Variants in ST3GAL5 observed in about 807,000 individuals in gnomAD.
ST3GAL5 encodes the protein lactosylceramide alpha-2,3-sialyltransferase.
Under a neutral mutation model 46.1 loss-of-function variants are expected in ST3GAL5, and 25 were observed. The observed-to-expected ratio is 0.54, with a 90% CI of 0.40 to 0.76. ST3GAL5 has a LOEUF of 0.76. Ranked by LOEUF, ST3GAL5 falls within the 30% of genes least tolerant of loss-of-function variation. The pLI, the probability that ST3GAL5 is intolerant of heterozygous loss-of-function variation, is 0.00. For missense variants in ST3GAL5, 431 were observed against 521.2 expected (o/e 0.83, Z 1.69); for synonymous variants, 182 against 192.7 (o/e 0.94, Z 0.46).
intron 1 of ST3GAL5, among the ~76,000 whole-genome samples, chr2:85,870,993 G>A (rs1685861170): frequency 6.6e-6 from 1 of 151,350 alleles, no homozygotes; most frequent in African/African-American, 2.4e-5. Flanking sequence ...AATTTACAAT[G>A]ATCAAATCAG....
intron 1 of ST3GAL5, among the ~76,000 whole-genome samples, chr2:85,880,008 T>C (rs899621547): frequency 4.6e-5 from 7 of 152,056 alleles, no homozygotes; most frequent in Non-Finnish European, 8.8e-5. Context: ...GCTGTCCAGG[T>C]GGATGGGAAG....
At chr2:85,870,470 C>A (rs1050928283) in intron 1 of ST3GAL5, among the ~76,000 whole-genome samples, 1 of 152,116 alleles carries the variant, frequency 6.6e-6, no homozygotes, top group African/African-American at 2.4e-5. Flanking sequence ...ATCCCCAGGG[C>A]TTAACAATTT....
chr2:85,878,468 C>T (rs1448037030), intron 1 of ST3GAL5, among the ~76,000 whole-genome samples: 1 of 152,174 alleles, frequency 6.6e-6, no homozygotes. Flanking sequence ...TTTCTCAATT[C>T]TCCCAGGAAT....
intron 1 of ST3GAL5, among the ~76,000 whole-genome samples, chr2:85,871,040 T>A (rs1487445852): frequency 4.8e-5 from 7 of 146,090 alleles, no homozygotes; most frequent in Admixed American, 1.4e-4. Context: ...CCATTTATCT[T>A]TTTTTTTTTT....
chr2:85,885,676 A>C (rs886686335), intron 1 of ST3GAL5, among the ~76,000 whole-genome samples: 2 of 152,092 alleles, frequency 1.3e-5, no homozygotes, highest in African/African-American at 4.8e-5. Flanking sequence ...AAAATACAAA[A>C]AATTAGCCGG....
intron 1 of ST3GAL5, among the ~76,000 whole-genome samples, chr2:85,871,054 T>C (rs568947328): frequency 6.6e-6 from 1 of 151,986 alleles, no homozygotes; most frequent in East Asian, 1.9e-4. Flanking sequence ...TTTTTTTTTT[T>C]TGAGACAAGG....
intron 5 of ST3GAL5, 103 bp downstream of exon 5, chr2:85,846,274 G>A: frequency 1.0e-6 from 1 of 1,004,142 alleles, no homozygotes; most frequent in Non-Finnish European, 1.5e-6. Flanking sequence ...ACATAAGTAT[G>A]CATTCCGCTC....
intron 3 of ST3GAL5, chr2:85,851,119 G>A (rs749073616): frequency 1.5e-5 from 5 of 342,208 alleles, no homozygotes; most frequent in Non-Finnish European, 2.1e-5. Context: ...GTTTCACCAT[G>A]TTGGTCAGGC....
intron 1 of ST3GAL5, chr2:85,867,833 G>T: frequency 3.2e-6 from 2 of 626,022 alleles, no homozygotes; most frequent in Non-Finnish European, 2.9e-6. Flanking sequence ...GTAAGTATAT[G>T]AAAGTAGAAA....
At chr2:85,845,137 T>C (rs1395912831) in intron 5 of ST3GAL5, 1 of 181,302 alleles carries the variant, frequency 5.5e-6, no homozygotes, top group South Asian at 1.2e-4. Context: ...TGTCTATACA[T>C]GTGCATACAC....
intron 3 of ST3GAL5, among the ~76,000 whole-genome samples, chr2:85,859,097 C>T (rs978067903): frequency 4.6e-5 from 7 of 152,150 alleles, no homozygotes; most frequent in African/African-American, 1.4e-4. Flanking sequence ...TTGATTTCCC[C>T]CAGGGTATTA....
intron 1 of ST3GAL5, among the ~76,000 whole-genome samples, chr2:85,864,954 C>T (rs1326746396): frequency 6.6e-6 from 1 of 152,212 alleles, no homozygotes; most frequent in Non-Finnish European, 1.5e-5. Context: ...TGTATCCCCT[C>T]TGCCTCCTGA....
At chr2:85,851,295 G>C (rs1187620304) in intron 3 of ST3GAL5, 1 of 1,141,074 alleles carries the variant, frequency 8.8e-7, no homozygotes, top group Non-Finnish European at 1.1e-6. Flanking sequence ...GCGCCTAAGT[G>C]ACAGTGGATG....
intron 4 of ST3GAL5, chr2:85,847,269 C>T (rs1158446094): frequency 1.1e-5 from 8 of 708,590 alleles, no homozygotes; most frequent in Non-Finnish European, 1.4e-5. Context: ...TGACTCAAGT[C>T]TCTTGCTGTG....
chr2:85,847,396 T>C, intron 4 of ST3GAL5: 2 of 998,832 alleles, frequency 2.0e-6, no homozygotes, highest in Non-Finnish European at 2.4e-6. Flanking sequence ...GCCAGCAGCA[T>C]GCTCCTCCAA....
chr2:85,879,360 G>A (rs1039437759), intron 1 of ST3GAL5, among the ~76,000 whole-genome samples: 1 of 152,200 alleles, frequency 6.6e-6, no homozygotes, highest in Admixed American at 6.5e-5. Context: ...GGGAGTCGCA[G>A]GGGAGAAGGT....
chr2:85,861,236 G>A lies in ST3GAL5; in HGVS notation c.263C>T (p.Thr88Ile). 3 of 1,613,534 alleles carry A rather than the reference G, an allele frequency of 1.9e-6. No individual in the cohort carries two copies. The highest frequency in any genetic ancestry group is 2.5e-6 in the Non-Finnish European group (3 of 1,179,736). ...WILYILKLNYTTEECDMKKMH... is the reference protein window; with the variant it reads ...WILYILKLNYITEECDMKKMH... ...TTTTTTCATGTCACATTCTTCAGTA[G>A]TATAATTTAACTTGAGGATATAAAG... Residue 88 changes from threonine (T) to isoleucine (I), a missense_variant, in exon 3 of 7, where the codon ACT (threonine) becomes ATT (isoleucine). Physicochemically the swap from Thr to Ile is moderately conservative, Grantham distance 89. Transcript: ENST00000638572.
chr2:85,846,461 A>G lies in ST3GAL5; in HGVS notation c.765T>C (p.Tyr255=). 3 of 1,614,234 alleles carry G rather than the reference A, an allele frequency of 1.9e-6. No individual in the cohort carries two copies. The highest frequency in any genetic ancestry group is 2.5e-6 in the Non-Finnish European group (3 of 1,180,034). Residue 255 remains tyrosine, a synonymous_variant, in exon 5 of 7, where the codon TAT becomes TAC. Coordinates refer to ENST00000638572, the MANE Select transcript of ST3GAL5 (RefSeq NM_003896.4). ...PEGAPLSDLE[Y]YSNDLFVAVL... is the part of the protein sequence containing the mutation. Reference sequence around the variant, plus strand: ...CAGCAACAAATAAGTCATTGGAATAATATTCAAGGTCAGACAGTGGTGCGC... The same window carrying G: ...CAGCAACAAATAAGTCATTGGAATAGTATTCAAGGTCAGACAGTGGTGCGC...
chr2:85,874,990 G>C (rs777108095), intron 1 of ST3GAL5, among the ~76,000 whole-genome samples: 2 of 152,106 alleles, frequency 1.3e-5, no homozygotes, highest in Non-Finnish European at 2.9e-5. Context: ...TGTGTTTGTT[G>C]AGGGGAGGCT....
Sources: allele counts gnomAD v4.1 joint callset (sites outside exome capture counted in the v4.1 genomes callset), GRCh38; gene constraint gnomAD v4.1.1; transcripts MANE v1.5; gene names NCBI Gene and HGNC (gene_info 2026-07-23, HGNC 2026-07-21).